Variants in COL12A1 observed in about 807,000 individuals in gnomAD.
The protein encoded by COL12A1 is collagen alpha-1(XII) chain.
Under a neutral mutation model 349.7 loss-of-function variants are expected in COL12A1, and 114 were observed. The observed-to-expected ratio is 0.33, with a 90% CI of 0.28 to 0.38. The LOEUF (loss-of-function observed/expected upper bound fraction) is 0.38, where lower values mean the gene tolerates loss of function less well. Among genes scored for constraint, COL12A1 ranks in the 10% least tolerant of loss-of-function variants. The pLI is 1.00. For synonymous variants in COL12A1, 1,369 were observed against 1,329.0 expected, an observed-to-expected ratio of 1.03 and a Z score of -0.66; for missense variants, 3,284 against 3,756.9, an observed-to-expected ratio of 0.87 and a Z score of 3.29.
rs561337157 is a variant in COL12A1, at chr6:75,157,218, G to A, written c.2984-695C>T. Among the ~76,000 whole-genome samples the A allele has an allele frequency of 1.1e-4, 17 of 152,090 alleles. No homozygotes were observed. The East Asian group carries it at 3.1e-3, about 28-fold the overall frequency. ...CGCTATATGAAATAAGTAACCAACA[G>A]CCACAAATAACCTACAACATCCTAT... On this transcript the variant is annotated intron_variant, in intron 14 of 65. Coordinates refer to ENST00000322507, the MANE Select transcript of COL12A1 (RefSeq NM_004370.6).
Position 75,147,765 on chromosome 6 carries a change from C to A in COL12A1, c.4327G>T (p.Asp1443Tyr). 2 of 1,613,526 alleles carry A rather than the reference C, an allele frequency of 1.2e-6. No homozygotes were observed. The highest frequency in any genetic ancestry group is 1.7e-6 in the Non-Finnish European group (2 of 1,179,634). The part of the protein sequence containing the change: ...SRMETSTVLK[D>Y]LKPETEYVVN... ...ACATATTCAGTTTCAGGTTTCAGAT[C>A]TTTCAGCACTGTGCTAGTTTCCATT... is the stretch of plus-strand genomic sequence containing the variant. Residue 1443 changes from aspartate (D) to tyrosine (Y), a missense_variant, in exon 23 of 66, where the codon GAT becomes TAT. Around this residue, in one of 2 missense-constraint regions of COL12A1, gnomAD observed 2,601 missense variants for 2,824.8 expected, o/e 0.92. Transcript: ENST00000322507.
chr6:75,181,214 AT>A lies in COL12A1; in HGVS notation c.1892-4del, dbSNP rs753233369. ...AAGATCCTTTGGAGGGACGTAAGCTATTTAAAAAAAAAAAAAGACAGTTAAA... is the reference window on the plus strand; with the variant it reads ...AAGATCCTTTGGAGGGACGTAAGCTATTAAAAAAAAAAAAAGACAGTTAAA... On this transcript the variant is annotated splice_polypyrimidine_tract_variant and splice_region_variant and intron_variant, in intron 10 of 65. Coordinates refer to ENST00000322507, the MANE Select transcript of COL12A1 (RefSeq NM_004370.6). 1.4e-6 allele frequency: 2 copies of A among 1,413,120 alleles called. No homozygotes were observed. Among genetic ancestry groups the A allele is most frequent in the South Asian group, 1.3e-5 (1 of 78,030 alleles). 87.5% of individuals were successfully genotyped at this position (1,413,120 alleles called of 1,614,324 possible).
At chr6:75,158,973 G>C (rs1195977980) in intron 14 of COL12A1, among the ~76,000 whole-genome samples, 2 of 151,846 alleles carry the variant, frequency 1.3e-5, no homozygotes, top group African/African-American at 2.4e-5. Flanking sequence ...TAATGGGATG[G>C]ACTGGTTCAA....
Position 75,130,892 on chromosome 6 carries a change from C to T in COL12A1, c.6027G>A (p.Ser2009=), listed in dbSNP as rs747130111. 7.4e-6 allele frequency: 12 copies of T among 1,613,910 alleles called. No homozygotes were observed. The African/African-American group carries it at 8.0e-5, about 11-fold the overall frequency. Residue 2009 remains serine, a synonymous_variant, in exon 36 of 66, where the codon TCG becomes TCA. Coordinates refer to ENST00000322507, the MANE Select transcript of COL12A1 (RefSeq NM_004370.6). ...CAGGGCTGGGATTTCCCTCTCCATC[C>T]GAGTACAGAGCCACAAGGTTCACGG... ...LYSVNLVALY[S]DGEGNPSPAQ...
intron 13 of COL12A1, among the ~76,000 whole-genome samples, chr6:75,170,989 C>T (rs76340092): frequency 0.013 from 1,955 of 152,276 alleles, 35 homozygotes; most frequent in African/African-American, 0.045. Context: ...AAACAACACT[C>T]AAAAATTTAA....
intron 7 of COL12A1, 33 bp from the exon 8 acceptor site, chr6:75,188,568 T>A: frequency 6.2e-7 from 1 of 1,600,146 alleles, no homozygotes; most frequent in Non-Finnish European, 8.5e-7. Context: ...CATATTGAAA[T>A]GGGAAATGTG....
In COL12A1 at chr6:75,091,364, A is replaced by G. The variant is rs1427337137; in HGVS notation, c.8711T>C (p.Met2904Thr). ...DRGDIASQNM[M>T]RAVARQVCEQ... The stretch of plus-strand genomic sequence containing the variant: ...ACAGACTTGTCTTGCAACTGCTCGC[A>G]TCATGTTCTGGGAAGCAATGTCTCC... Residue 2904 changes from methionine (M) to threonine (T), a missense_variant, in exon 62 of 66, where the codon ATG (methionine) becomes ACG (threonine). Met to Thr is a moderately conservative substitution (Grantham distance 81, BLOSUM62 -1). Coordinates refer to ENST00000322507, the MANE Select transcript of COL12A1 (RefSeq NM_004370.6). 3.1e-6 allele frequency: 5 copies of G among 1,613,746 alleles called. No individual in the cohort carries two copies. Among genetic ancestry groups the G allele is most frequent in the Non-Finnish European group, 4.2e-6 (5 of 1,179,948 alleles).
chr6:75,132,172 C>G lies in COL12A1; in HGVS notation c.5795-90G>C, dbSNP rs143624259. ...CTTTTCCAGAACCTACATTCTGTAA[C>G]AGGATAAAATGCTATCTTCTTTATA... On this transcript the variant is annotated intron_variant, in intron 34 of 65. Coordinates refer to ENST00000322507, the MANE Select transcript of COL12A1 (RefSeq NM_004370.6). 655 of 1,466,136 alleles carry G rather than the reference C, an allele frequency of 4.5e-4. 1 individual carries two copies. In the African/African-American group the frequency reaches 5.7e-3, roughly 13 times the overall value. The allele number at this position is 1,466,136 out of a possible 1,614,324, so 90.8% of individuals were successfully genotyped here. A position where few individuals can be genotyped will look rare whatever the true frequency, so the allele number is the denominator to read the frequency against.
intron 59 of COL12A1, 120 bp from the exon 60 acceptor site, chr6:75,095,299 G>T: frequency 1.3e-6 from 1 of 757,614 alleles, no homozygotes; most frequent in Non-Finnish European, 2.1e-6. Flanking sequence ...ACACATTCAG[G>T]AAAAATAAAA....
At chr6:75,141,987 T>A in intron 27 of COL12A1, 45 bp downstream of exon 27, 1 of 1,610,734 alleles carries the variant, frequency 6.2e-7, no homozygotes, top group Non-Finnish European at 8.5e-7. Flanking sequence ...CACATGCATG[T>A]AAAGTGTTGT....
At chr6:75,171,842 T>G (rs900692525) in intron 13 of COL12A1, among the ~76,000 whole-genome samples, 1 of 152,248 alleles carries the variant, frequency 6.6e-6, no homozygotes, top group African/African-American at 2.4e-5. Context: ...ACAACTATGC[T>G]TTCACATATT....
At chr6:75,089,917 T>TA (rs955859440) in intron 63 of COL12A1, among the ~76,000 whole-genome samples, 193 bp downstream of exon 63, 2 of 152,212 alleles carry the variant, frequency 1.3e-5, no homozygotes, top group African/African-American at 2.4e-5. Context: ...TGAGATCTGA[T>TA]AAAAACATAC....
chr6:75,089,828 T>G (rs897373542), intron 63 of COL12A1, among the ~76,000 whole-genome samples: 4 of 152,202 alleles, frequency 2.6e-5, no homozygotes, highest in African/African-American at 9.6e-5. Flanking sequence ...TAATAAGATT[T>G]GGGTAGCTGA....
chr6:75,191,868 T>A, intron 4 of COL12A1, 108 bp from the exon 5 acceptor site: 1 of 612,792 alleles, frequency 1.6e-6, no homozygotes, highest in Non-Finnish European at 2.5e-6. Flanking sequence ...CTTAAATGTA[T>A]GGCTCTGCCC....
chr6:75,175,856 C>T (rs936547269), intron 12 of COL12A1, among the ~76,000 whole-genome samples: 3 of 152,180 alleles, frequency 2.0e-5, no homozygotes, highest in South Asian at 2.1e-4. Context: ...GTACAAATCC[C>T]GAGGGACCAC....
At chr6:75,176,931 C>A (rs1344485131) in intron 12 of COL12A1, among the ~76,000 whole-genome samples, 1 of 152,106 alleles carries the variant, frequency 6.6e-6, no homozygotes, top group Non-Finnish European at 1.5e-5. Context: ...ATAATTTCAA[C>A]AAACATCAGA....
Position 75,085,209 on chromosome 6 carries a change from G to A in COL12A1, c.*1338C>T, listed in dbSNP as rs1767423512. ...TCTGGTTCACTGCCCGGGTCCGTGG[G>A]GCAGGGCGCGCCGCCAGCGCCGGTG... On this transcript the variant is annotated 3_prime_UTR_variant, in exon 66 of 66. Transcript: ENST00000322507. The A allele has an allele frequency of 2.1e-6, 1 of 468,314 alleles. No individual in the cohort carries two copies. The highest frequency in any genetic ancestry group is 1.6e-5 in the South Asian group (1 of 64,458). 29.0% of individuals were successfully genotyped at this position (468,314 alleles called of 1,614,324 possible).
chr6:75,157,577 TC>T (rs1767826615), intron 14 of COL12A1, among the ~76,000 whole-genome samples: 1 of 152,154 alleles, frequency 6.6e-6, no homozygotes, highest in African/African-American at 2.4e-5. Flanking sequence ...GCTTGGAATT[TC>T]CAGTCCCCAG....
intron 2 of COL12A1, among the ~76,000 whole-genome samples, chr6:75,202,135 C>G (rs1010202156): frequency 2.6e-5 from 4 of 152,180 alleles, no homozygotes; most frequent in Non-Finnish European, 5.9e-5. Flanking sequence ...CCTGGGGTCC[C>G]GGATCTCCGC....
Sources: allele counts gnomAD v4.1 joint callset (sites outside exome capture counted in the v4.1 genomes callset), GRCh38; gene constraint gnomAD v4.1.1; regional missense constraint gnomAD v4.1.1; transcripts MANE v1.5; gene names NCBI Gene and HGNC (gene_info 2026-07-23, HGNC 2026-07-21).